The following MPPED2 variants were observed in gnomAD, a reference collection of about 807,000 sequenced individuals.
MPPED2 encodes metallophosphoesterase domain containing 2.
MPPED2 carries 5 observed loss-of-function variants against 33.0 expected under a neutral mutation model. The observed-to-expected ratio is 0.15, with a 90% CI of 0.08 to 0.32. The LOEUF (loss-of-function observed/expected upper bound fraction) is 0.32. MPPED2 is among the 10% of genes least tolerant of loss of function. The probability of loss-of-function intolerance (pLI) is 1.00; values close to 1 mark genes in which losing one functional copy is unlikely to be tolerated. For missense variants in MPPED2, 275 were observed against 372.1 expected (o/e 0.74, Z 2.15); for synonymous variants, 136 against 141.9 (o/e 0.96, Z 0.29).
At chr11:30,450,152 C>T (rs1214128255) in intron 4 of MPPED2, among the ~76,000 whole-genome samples, 2 of 152,142 alleles carry the variant, frequency 1.3e-5, no homozygotes, top group Non-Finnish European at 2.9e-5. Context: ...GGTCTTTTTT[C>T]CCCCTTCTTT....
chr11:30,538,039 A>G (rs1590766902), intron 2 of MPPED2, among the ~76,000 whole-genome samples: 3 of 152,032 alleles, frequency 2.0e-5, no homozygotes, highest in African/African-American at 7.2e-5. Flanking sequence ...TGACTGTGTC[A>G]CTCTCTAAAA....
At position 30,439,578 on chromosome 11, in the gene MPPED2, A is replaced by G. The variant is rs546489738; in HGVS notation, c.537-21945T>C. Among the ~76,000 whole-genome samples, 5 of 152,320 alleles carry G rather than the reference A, an allele frequency of 3.3e-5. No homozygotes were observed. The South Asian group carries it at 6.2e-4, about 19-fold the overall frequency. On this transcript the variant is annotated intron_variant, in intron 4 of 6. Transcript: ENST00000358117. ...CAATTTCTTTGAATTACGGTGCCCT[A>G]GAAACCCCAGTCATTGCTGAGTGAG...
intron 4 of MPPED2, among the ~76,000 whole-genome samples, chr11:30,491,433 C>T (rs958598624): frequency 1.3e-5 from 2 of 152,210 alleles, no homozygotes; most frequent in Non-Finnish European, 2.9e-5. Context: ...TATCTAATCT[C>T]ACTCCTAGTC....
intron 2 of MPPED2, 119 bp from the exon 3 acceptor site, chr11:30,536,294 A>G: frequency 5.9e-6 from 5 of 843,740 alleles, no homozygotes; most frequent in Non-Finnish European, 8.4e-6. Context: ...ACGCAAAGGC[A>G]GAAGGGCCCA....
intron 4 of MPPED2, among the ~76,000 whole-genome samples, chr11:30,475,284 T>G (rs1951133085): frequency 6.6e-6 from 1 of 152,130 alleles, no homozygotes; most frequent in African/African-American, 2.4e-5. Context: ...TCAAAAAAAT[T>G]TTATTGGGAT....
intron 4 of MPPED2, among the ~76,000 whole-genome samples, chr11:30,420,053 G>A (rs187760375): frequency 3.3e-4 from 50 of 152,248 alleles, no homozygotes; most frequent in Admixed American, 4.6e-4. Context: ...TCCACTCCAA[G>A]ATGTCTACAT....
chr11:30,542,694 C>T (rs1168289166), intron 2 of MPPED2, among the ~76,000 whole-genome samples: 1 of 151,946 alleles, frequency 6.6e-6, no homozygotes, highest in African/African-American at 2.4e-5. Context: ...TAAGGTATGT[C>T]TCCTCTAAAG....
chr11:30,517,292 C>A (rs1391010525), intron 3 of MPPED2, among the ~76,000 whole-genome samples: 1 of 152,150 alleles, frequency 6.6e-6, no homozygotes, highest in African/African-American at 2.4e-5. Flanking sequence ...TGCAAGATTT[C>A]ATTTTTATAG....
intron 2 of MPPED2, among the ~76,000 whole-genome samples, chr11:30,578,746 TA>T: frequency 6.6e-6 from 1 of 152,210 alleles, no homozygotes; most frequent in East Asian, 1.9e-4. Flanking sequence ...GAAGCTATTC[TA>T]AAGTATGGCT....
At chr11:30,444,534 T>G (rs1590291786) in intron 4 of MPPED2, among the ~76,000 whole-genome samples, 1 of 151,688 alleles carries the variant, frequency 6.6e-6, no homozygotes, top group South Asian at 2.1e-4. Context: ...AAACAAACAT[T>G]CCAAATAAAC....
chr11:30,554,253 G>C (rs1955860027), intron 2 of MPPED2, among the ~76,000 whole-genome samples: 1 of 152,118 alleles, frequency 6.6e-6, no homozygotes, highest in South Asian at 2.1e-4. Flanking sequence ...TCCTAATGCA[G>C]GCTTCACACT....
chr11:30,490,130 C>T (rs1256081282), intron 4 of MPPED2, among the ~76,000 whole-genome samples: 3 of 152,104 alleles, frequency 2.0e-5, no homozygotes, highest in Non-Finnish European at 4.4e-5. Flanking sequence ...AATTTTGTTC[C>T]CTTTCTAACC....
At chr11:30,518,163 A>G (rs1353957352) in intron 3 of MPPED2, among the ~76,000 whole-genome samples, 2 of 152,152 alleles carry the variant, frequency 1.3e-5, no homozygotes, top group African/African-American at 2.4e-5. Flanking sequence ...ATCTTTCTAG[A>G]TATTCTAGAC....
At chr11:30,436,766 A>G (rs553346129) in intron 4 of MPPED2, among the ~76,000 whole-genome samples, 4 of 152,164 alleles carry the variant, frequency 2.6e-5, no homozygotes, top group African/African-American at 9.7e-5. Flanking sequence ...TGGGACTCAC[A>G]TTTTTCCCAT....
At chr11:30,490,991 G>A (rs1165232450) in intron 4 of MPPED2, among the ~76,000 whole-genome samples, 2 of 152,124 alleles carry the variant, frequency 1.3e-5, no homozygotes, top group Non-Finnish European at 2.9e-5. Context: ...AGCGGTATCA[G>A]CAATGCAGAA....
intron 6 of MPPED2, among the ~76,000 whole-genome samples, chr11:30,401,439 A>G (rs1947907469): frequency 6.6e-6 from 1 of 152,190 alleles, no homozygotes; most frequent in African/African-American, 2.4e-5. Context: ...GCTGACCTCA[A>G]TCTAACTTCC....
chr11:30,406,012 G>A (rs1947983529), downstream of MPPED2, among the ~76,000 whole-genome samples: 2 of 152,088 alleles, frequency 1.3e-5, no homozygotes, highest in South Asian at 4.2e-4. Flanking sequence ...ACATACACAT[G>A]TATGTCAAAA....
exon 7 of MPPED2, chr11:30,387,074 A>G (rs1483518234): frequency 3.5e-6 from 1 of 288,486 alleles, no homozygotes; most frequent in East Asian, 5.6e-5. Context: ...GCATATAAGC[A>G]CAGCTGGATT....
Position 30,577,934 on chromosome 11 carries a change from A to G in MPPED2, c.128+2312T>C, listed in dbSNP as rs182884561. Among the ~76,000 whole-genome samples the G allele has an allele frequency of 3.3e-5, 5 of 152,354 alleles. No homozygotes were observed. In the East Asian group the frequency reaches 9.6e-4, roughly 29 times the overall value. ...GAGCATCTGTCACCTGCTCAGAAGA[A>G]CAAGCCTTTCTTTAAGAAGTAAAAA... On this transcript the variant is annotated intron_variant, in intron 2 of 6. Coordinates refer to ENST00000358117, the MANE Select transcript of MPPED2 (RefSeq NM_001584.3).
Sources: gnomAD v4.1 joint callset for allele counts (sites outside exome capture counted in the v4.1 genomes callset) on GRCh38, gnomAD v4.1.1 for gene constraint, MANE v1.5 for transcripts, NCBI Gene and HGNC (gene_info 2026-07-23, HGNC 2026-07-21) for gene names.